ANKMY1: variants seen among roughly 807,000 people sequenced by gnomAD.
The protein encoded by ANKMY1 is ankyrin repeat and MYND domain containing 1, also known as ankyrin repeat and MYND domain-containing protein 1.
ANKMY1 carries 98 observed loss-of-function variants against 102.0 expected under a neutral mutation model. The observed-to-expected ratio is 0.96, with a 90% CI of 0.82 to 1.14. ANKMY1 has a LOEUF of 1.14. Ranked by LOEUF, ANKMY1 falls within the 50% of genes most tolerant of loss-of-function variation. The pLI is 0.00. For missense variants in ANKMY1, 1,330 were observed against 1,347.6 expected (o/e 0.99, Z 0.20); for synonymous variants, 582 against 559.9 (o/e 1.04, Z -0.56).
chr2:240,479,675 G>T lies in ANKMY1; in HGVS notation c.3047-20C>A. 6.2e-7 allele frequency: 1 copy of T among 1,611,800 alleles called. No homozygotes were observed. The highest frequency in any genetic ancestry group is 1.1e-5 in the South Asian group (1 of 91,058). On this transcript the variant is annotated intron_variant, in intron 17 of 17. Coordinates refer to ENST00000401804, the MANE Select transcript of ANKMY1 (RefSeq NM_001282771.3). ...GTGTCACTGGAGGAGGAAAAGGTGT[G>T]GGGGAGGGGGAAGAGGGGGCTGGAG...
chr2:240,560,483 C>G, upstream of ANKMY1: 1 of 764,838 alleles, frequency 1.3e-6, no homozygotes, highest in East Asian at 3.5e-5. Flanking sequence ...CCGCCATGCC[C>G]CGGCCCCAAC....
intron 4 of ANKMY1, among the ~76,000 whole-genome samples, chr2:240,544,128 G>T (rs2089709895): frequency 6.6e-6 from 1 of 152,084 alleles, no homozygotes; most frequent in African/African-American, 2.4e-5. Flanking sequence ...CAGTAAGTAG[G>T]GGAAAGAGAT....
intron 13 of ANKMY1, among the ~76,000 whole-genome samples, chr2:240,502,150 TG>T (rs11304253): frequency 0.018 from 2,799 of 151,870 alleles, 87 homozygotes; most frequent in African/African-American, 0.065. Flanking sequence ...CCAATGTTGC[TG>T]GGGGACTTGC....
chr2:240,533,312 CATA>C lies in ANKMY1; in HGVS notation c.481-3806_481-3804del, dbSNP rs2085893046. Among the ~76,000 whole-genome samples, 9 of 151,944 alleles carry C rather than the reference CATA, an allele frequency of 5.9e-5. No homozygotes were observed. In the South Asian group the frequency reaches 1.5e-3, roughly 25 times the overall value. ...TAACAGGTGGAACAAAGAAAAACTG[CATA>C]ATAAGATAGCAGACGTAAAGCAAGT... On this transcript the variant is annotated intron_variant, in intron 4 of 17. Coordinates refer to ENST00000401804, the MANE Select transcript of ANKMY1 (RefSeq NM_001282771.3).
At chr2:240,551,996 C>T (rs928689526) in intron 4 of ANKMY1, among the ~76,000 whole-genome samples, 1 of 152,224 alleles carries the variant, frequency 6.6e-6, no homozygotes, top group Non-Finnish European at 1.5e-5. Context: ...CAGACCATGG[C>T]ATTCAATGTG....
At chr2:240,474,779 T>C (rs1245326340), downstream of ANKMY1, among the ~76,000 whole-genome samples, 1 of 152,240 alleles carries the variant, frequency 6.6e-6, no homozygotes, top group Non-Finnish European at 1.5e-5. Flanking sequence ...TGCATAGTAC[T>C]TCATGGTGTA....
At chr2:240,543,739 A>C (rs1280424367) in intron 4 of ANKMY1, among the ~76,000 whole-genome samples, 4 of 152,160 alleles carry the variant, frequency 2.6e-5, no homozygotes, top group African/African-American at 9.6e-5. Context: ...ATTTATATAC[A>C]TTATATAAGT....
At chr2:240,541,126 C>T (rs59127148) in intron 4 of ANKMY1, among the ~76,000 whole-genome samples, 1 of 152,176 alleles carries the variant, frequency 6.6e-6, no homozygotes, top group Non-Finnish European at 1.5e-5. Context: ...ATGGACACTC[C>T]TGAGGGCTTG....
rs761102195 is a variant in ANKMY1, at chr2:240,525,865, G to A, written c.1171-16C>T. 1.9e-6 allele frequency: 3 copies of A among 1,612,600 alleles called. No homozygotes were observed. Among genetic ancestry groups the A allele is most frequent in the East Asian group, 2.2e-5 (1 of 44,856 alleles). On this transcript the variant is annotated splice_polypyrimidine_tract_variant and intron_variant, in intron 6 of 17. Coordinates refer to ENST00000401804, the MANE Select transcript of ANKMY1 (RefSeq NM_001282771.3). ...GGCAGTGAGTCTGGAGGGAGATGAG[G>A]CAGGACTCAGGATGATGCACCTGGC...
rs534744237 is a variant in ANKMY1, at chr2:240,555,737, C to T, written c.147-682G>A. On this transcript the variant is annotated intron_variant, in intron 2 of 17. Coordinates refer to ENST00000401804, the MANE Select transcript of ANKMY1 (RefSeq NM_001282771.3). ...GGCGTCTTAGACCATCACAGACGGA[C>T]GTGGCATCTCAGACCACAAAAGGCG... 1.1e-4 allele frequency among the ~76,000 whole-genome samples: 16 copies of T among 152,148 alleles called. No homozygotes were observed. In the East Asian group the frequency reaches 1.7e-3, roughly 17 times the overall value.
Position 240,557,222 on chromosome 2 carries a change from C to T in ANKMY1, c.114G>A (p.Gly38=), listed in dbSNP as rs766516974. 6.9e-6 allele frequency: 11 copies of T among 1,585,220 alleles called. No individual in the cohort carries two copies. The East Asian group carries it at 1.9e-4, about 27-fold the overall frequency. The part of the protein sequence containing the change: ...GGETPAAEEP[G]SLKNYAVFAT... The stretch of plus-strand genomic sequence containing the variant: ...CGAAGACAGCGTAGTTCTTCAGGGA[C>T]CCCGGCTCCTCGGCAGCAGGGGTCT... Residue 38 remains glycine, a synonymous_variant, in exon 2 of 18, where the codon GGG becomes GGA. Transcript: ENST00000401804.
chr2:240,490,557 T>G (rs1329433687), intron 15 of ANKMY1, among the ~76,000 whole-genome samples: 3 of 152,182 alleles, frequency 2.0e-5, no homozygotes, highest in African/African-American at 4.8e-5. Context: ...ATTTCCATGT[T>G]GCAAATTTGT....
chr2:240,522,060 C>CT (rs945928190), intron 8 of ANKMY1: 6 of 152,104 alleles, frequency 3.9e-5, no homozygotes, highest in Admixed American at 2.0e-4. Context: ...CTTTTATTCC[C>CT]TTTTTTGGCC....
intron 12 of ANKMY1, 181 bp from the exon 13 acceptor site, chr2:240,507,872 G>A (rs2079378021): frequency 3.1e-6 from 2 of 644,908 alleles, no homozygotes. Flanking sequence ...CTGTCCCACA[G>A]AGGATGATGC....
At chr2:240,472,177 G>C in the ANKMY1 span, among the ~76,000 whole-genome samples, 2 of 152,174 alleles carry the variant, frequency 1.3e-5, no homozygotes, top group African/African-American at 4.8e-5. Flanking sequence ...GCCCACCCAG[G>C]GATACTGAGA....
intron 4 of ANKMY1, among the ~76,000 whole-genome samples, chr2:240,551,988 G>A (rs566314743): frequency 6.6e-6 from 1 of 152,314 alleles, no homozygotes; most frequent in East Asian, 1.9e-4. Flanking sequence ...AAACTCACCA[G>A]ACCATGGCAT....
At position 240,550,280 on chromosome 2, in the gene ANKMY1, G is replaced by A. The variant is rs1384852687; in HGVS notation, c.480+2634C>T. 1.0e-4 allele frequency among the ~76,000 whole-genome samples: 15 copies of A among 149,112 alleles called. No individual in the cohort carries two copies. In the Middle Eastern group the frequency reaches 0.01, roughly 103 times the overall value. On this transcript the variant is annotated intron_variant, in intron 4 of 17. Transcript: ENST00000401804. The stretch of plus-strand genomic sequence containing the variant: ...TCGCAAGAACAAAAAACCAAACACC[G>A]CGTATTCTCACTCATAGGCGGGAAT...
At chr2:240,502,973 C>G (rs1050543785) in intron 13 of ANKMY1, among the ~76,000 whole-genome samples, 4 of 152,188 alleles carry the variant, frequency 2.6e-5, no homozygotes, top group Admixed American at 2.6e-4. Flanking sequence ...TGAGCTGGCC[C>G]CTCCATCCCC....
At chr2:240,516,193 T>C (rs74001680) in intron 9 of ANKMY1, among the ~76,000 whole-genome samples, 5,083 of 150,880 alleles carry the variant, frequency 0.034, 283 homozygotes, top group African/African-American at 0.12. Context: ...GGCTAAAGGA[T>C]TGGCAATTGT....
Sources: gnomAD v4.1 joint callset for allele counts (sites outside exome capture counted in the v4.1 genomes callset) on GRCh38, gnomAD v4.1.1 for gene constraint, MANE v1.5 for transcripts, NCBI Gene and HGNC (gene_info 2026-07-23, HGNC 2026-07-21) for gene names.